The following TRPC4AP variants were observed in gnomAD, a reference collection of about 807,000 sequenced individuals.
TRPC4AP encodes short transient receptor potential channel 4-associated protein.
TRPC4AP carries 45 observed loss-of-function variants against 99.0 expected under a neutral mutation model. The observed-to-expected ratio is 0.45, with a 90% confidence interval of 0.36 to 0.58. The LOEUF (loss-of-function observed/expected upper bound fraction) is 0.58, where lower values mean the gene tolerates loss of function less well. Among genes scored for constraint, TRPC4AP ranks in the 20% least tolerant of loss-of-function variants. The pLI is 0.00. For missense variants in TRPC4AP, 879 were observed against 985.3 expected, an observed-to-expected ratio of 0.89 and a Z score of 1.44; for synonymous variants, 408 against 385.8, an observed-to-expected ratio of 1.06 and a Z score of -0.67.
chr20:35,075,784 C>T (rs1389366172), intron 2 of TRPC4AP, among the ~76,000 whole-genome samples: 2 of 152,086 alleles, frequency 1.3e-5, no homozygotes, highest in South Asian at 2.1e-4. Context: ...CTCTGTATTT[C>T]CTGAATTTGA....
rs903262165 is a variant in TRPC4AP at position 35,022,177 on chromosome 20, A to G, written c.1052-821T>C. Among the ~76,000 whole-genome samples the G allele has an allele frequency of 2.0e-5, 3 of 152,142 alleles. No individual in the cohort carries two copies. The East Asian group carries it at 5.8e-4, about 29-fold the overall frequency. On this transcript the variant is annotated intron_variant, in intron 8 of 18. Coordinates refer to ENST00000252015, the MANE Select transcript of TRPC4AP (RefSeq NM_015638.3). The stretch of plus-strand genomic sequence containing the variant: ...TCCTAGATCCTTTCTTTACTTATTT[A>G]CAGAGTCTTGCTCTGTCACCCAGGC...
At chr20:35,086,485 GTATATATATA>G (rs151331360) in intron 1 of TRPC4AP, among the ~76,000 whole-genome samples, 2 of 125,156 alleles carry the variant, frequency 1.6e-5, no homozygotes, top group East Asian at 2.2e-4. Flanking sequence ...GTATGTGTGT[GTATATATATA>G]TGTGTATATA....
chr20:35,085,438 C>T (rs1271210889), intron 1 of TRPC4AP, among the ~76,000 whole-genome samples: 1 of 152,066 alleles, frequency 6.6e-6, no homozygotes, highest in Non-Finnish European at 1.5e-5. Flanking sequence ...ATGGCAGAAC[C>T]TTATCTCTAC....
At chr20:35,078,197 A>C (rs759317167) in intron 1 of TRPC4AP, 23 bp from the exon 2 acceptor site, 34 of 1,609,756 alleles carry the variant, frequency 2.1e-5, no homozygotes, top group Non-Finnish European at 2.9e-5. Flanking sequence ...AAAAGAGAGA[A>C]CATATTATTG....
At chr20:35,024,186 A>G (rs932111056) in intron 8 of TRPC4AP, among the ~76,000 whole-genome samples, 2 of 150,352 alleles carry the variant, frequency 1.3e-5, no homozygotes, top group South Asian at 4.2e-4. Context: ...CAATTCACCC[A>G]TTTAGTTAAC....
Position 35,082,641 on chromosome 20 carries a change from G to A in TRPC4AP, c.169-4467C>T, listed in dbSNP as rs542553909. Among the ~76,000 whole-genome samples the A allele has an allele frequency of 3.3e-5, 5 of 152,202 alleles. No homozygotes were observed. The East Asian group carries it at 7.7e-4, about 23-fold the overall frequency. ...ACTGCAGGCCAGTTTCACTAACGACGATGTAAGGGAAAAACCACAATTCAA... is the reference window on the plus strand; with the variant it reads ...ACTGCAGGCCAGTTTCACTAACGACAATGTAAGGGAAAAACCACAATTCAA... On this transcript the variant is annotated intron_variant, in intron 1 of 18. Coordinates refer to ENST00000252015, the MANE Select transcript of TRPC4AP (RefSeq NM_015638.3).
chr20:35,073,652 T>C (rs565141285), intron 2 of TRPC4AP, among the ~76,000 whole-genome samples: 1 of 152,370 alleles, frequency 6.6e-6, no homozygotes, highest in South Asian at 2.1e-4. Flanking sequence ...AGCTTTTTGA[T>C]GTGCTGCTGG....
At chr20:35,019,361 G>A (rs915284756) in intron 9 of TRPC4AP, among the ~76,000 whole-genome samples, 1 of 152,248 alleles carries the variant, frequency 6.6e-6, no homozygotes, top group Admixed American at 6.5e-5. Flanking sequence ...ACTCAAGACC[G>A]CAACAACTCA....
In TRPC4AP at chr20:35,002,771, A is replaced by AGAT. The variant is rs375732962; in HGVS notation, c.*372_*374dup. 1.0e-3 allele frequency: 200 copies of AGAT among 196,784 alleles called. 1 individual carries two copies. The highest frequency in any genetic ancestry group is 4.4e-3 in the African/African-American group (188 of 42,616). The allele number at this position is 196,784 out of a possible 1,614,324, so 12.2% of individuals were successfully genotyped here. A position where few individuals can be genotyped will look rare whatever the true frequency, so the allele number is the denominator to read the frequency against. On this transcript the variant is annotated 3_prime_UTR_variant, in exon 19 of 19. Coordinates refer to ENST00000252015, the MANE Select transcript of TRPC4AP (RefSeq NM_015638.3). The stretch of plus-strand genomic sequence containing the variant: ...CAGGGACAAGGGAGGCTTGGCTCAC[A>AGAT]GATGGGGGGTGGGGGTCACCCATAT...
Position 35,007,557 on chromosome 20 carries a change from A to G in TRPC4AP, c.1679T>C (p.Leu560Pro), listed in dbSNP as rs543338598. The G allele has an allele frequency of 6.2e-7, 1 of 1,614,162 alleles. No homozygotes were observed. Among genetic ancestry groups the G allele is most frequent in the Non-Finnish European group, 8.5e-7 (1 of 1,179,990 alleles). The change falls in exon 14 of 19, where the codon CTC (leucine) becomes CCC (proline). Residue 560 changes from leucine to proline, a missense_variant. By Grantham distance (98) the Leu-to-Pro change is moderately conservative. Coordinates refer to ENST00000252015, the MANE Select transcript of TRPC4AP (RefSeq NM_015638.3). ...GGCTGCTCCAGATCATACCTCCAAG[A>G]GGCCTCGCTTCAGCAGGAACATCTG... ...ADQMFLLKRGLLEHILYCIVD... is the reference protein window; with the variant it reads ...ADQMFLLKRGPLEHILYCIVD...
At position 35,003,528 on chromosome 20, in the gene TRPC4AP, T is replaced by C; in HGVS notation, c.2138A>G (p.Gln713Arg). ...ERLPLYLRLL[Q>R]RMEHSKKYPG... ...GTACTTCTTGCTGTGCTCCATCCGCTGCAGCAGCCGCAGGTACAGGGGCAG... is the reference window on the plus strand; with the variant it reads ...GTACTTCTTGCTGTGCTCCATCCGCCGCAGCAGCCGCAGGTACAGGGGCAG... The change falls in exon 18 of 19, where the codon CAG (glutamine) becomes CGG (arginine). Residue 713 changes from glutamine to arginine, a missense_variant. Physicochemically the swap from Gln to Arg is conservative, Grantham distance 43. This residue lies in a region of TRPC4AP where 224 missense variants were observed against 264.7 expected (regional missense o/e 0.85). Coordinates refer to ENST00000252015, the MANE Select transcript of TRPC4AP (RefSeq NM_015638.3). The C allele has an allele frequency of 6.2e-7, 1 of 1,613,918 alleles. No homozygotes were observed. Among genetic ancestry groups the C allele is most frequent in the Non-Finnish European group, 8.5e-7 (1 of 1,180,002 alleles).
intron 15 of TRPC4AP, 77 bp downstream of exon 15, chr20:35,006,358 A>G (rs760039304): frequency 9.6e-6 from 15 of 1,560,448 alleles, no homozygotes; most frequent in Non-Finnish European, 1.3e-5. Flanking sequence ...ACCTGTGCCT[A>G]AAGCCTGGCA....
intron 12 of TRPC4AP, among the ~76,000 whole-genome samples, chr20:35,009,897 G>T (rs146003581): frequency 6.6e-6 from 1 of 152,224 alleles, no homozygotes; most frequent in Non-Finnish European, 1.5e-5. Flanking sequence ...GAGACAAGGC[G>T]GTGGGGCAGT....
chr20:35,066,653 T>G (rs541044199), intron 3 of TRPC4AP, among the ~76,000 whole-genome samples: 2 of 152,100 alleles, frequency 1.3e-5, no homozygotes, highest in South Asian at 4.2e-4. Context: ...CTGTAAAATA[T>G]TAGAAGGAAA....
intron 5 of TRPC4AP, among the ~76,000 whole-genome samples, chr20:35,051,071 T>C (rs74747438): frequency 5.5e-4 from 79 of 142,584 alleles, no homozygotes; most frequent in African/African-American, 1.5e-3. Flanking sequence ...CACACACACA[T>C]ATATATCCCA....
chr20:35,039,764 G>A (rs1415029942), intron 7 of TRPC4AP, among the ~76,000 whole-genome samples: 1 of 151,992 alleles, frequency 6.6e-6, no homozygotes. Flanking sequence ...TCCCCCAGAA[G>A]GAAACCAGCT....
At chr20:35,055,736 A>G (rs2083811659) in intron 4 of TRPC4AP, among the ~76,000 whole-genome samples, 1 of 152,246 alleles carries the variant, frequency 6.6e-6, no homozygotes, top group South Asian at 2.1e-4. Context: ...GTTCTACTGC[A>G]GCAAACAAAA....
intron 3 of TRPC4AP, among the ~76,000 whole-genome samples, chr20:35,060,584 CCAAA>C (rs1484782731): frequency 0.018 from 809 of 45,732 alleles, 3 homozygotes; most frequent in Middle Eastern, 0.057. Flanking sequence ...GACCTTGTCT[CCAAA>C]AAAAAAAAAA....
chr20:35,062,990 T>G (rs2084046808), intron 3 of TRPC4AP, among the ~76,000 whole-genome samples: 1 of 152,276 alleles, frequency 6.6e-6, no homozygotes, highest in Non-Finnish European at 1.5e-5. Flanking sequence ...ATGGTTTGGC[T>G]GTGTGCCCTC....
Sources: gnomAD v4.1 joint callset for allele counts (sites outside exome capture counted in the v4.1 genomes callset) on GRCh38, gnomAD v4.1.1 for gene constraint, gnomAD v4.1.1 regional missense constraint, MANE v1.5 for transcripts, NCBI Gene and HGNC (gene_info 2026-07-23, HGNC 2026-07-21) for gene names.